Variants in JAKMIP3 observed in about 807,000 individuals in gnomAD.
The protein encoded by JAKMIP3 is janus kinase and microtubule-interacting protein 3.
JAKMIP3 carries 58 observed loss-of-function variants against 118.5 expected under a neutral mutation model. The ratio of observed to expected loss-of-function variants is 0.49; its 90% CI spans 0.40 to 0.61. JAKMIP3 has a LOEUF of 0.61. Ranked by LOEUF, JAKMIP3 falls within the 20% of genes least tolerant of loss-of-function variation. JAKMIP3 has a pLI of 0.00. For missense variants in JAKMIP3, 950 were observed against 1,109.0 expected, an observed-to-expected ratio of 0.86 and a Z score of 2.04; for synonymous variants, 486 against 451.2, an observed-to-expected ratio of 1.08 and a Z score of -0.98.
intron 3 of JAKMIP3, among the ~76,000 whole-genome samples, chr10:132,124,791 G>C (rs572493449): frequency 1.3e-5 from 2 of 152,226 alleles, no homozygotes; most frequent in African/African-American, 4.8e-5. Context: ...GTGGTAGGTC[G>C]GGCAGCTGCT....
chr10:132,089,136 T>C (rs2042794100), intron 1 of JAKMIP3, among the ~76,000 whole-genome samples: 1 of 152,210 alleles, frequency 6.6e-6, no homozygotes, highest in Non-Finnish European at 1.5e-5. Flanking sequence ...TGAAGTCAAG[T>C]AGTGTGATGC....
chr10:132,103,144 G>A (rs2045262897), intron 1 of JAKMIP3, among the ~76,000 whole-genome samples: 1 of 152,040 alleles, frequency 6.6e-6, no homozygotes, highest in Admixed American at 6.5e-5. Flanking sequence ...CAGGTGACAG[G>A]AGCAGAAGGT....
upstream of JAKMIP3, among the ~76,000 whole-genome samples, chr10:132,065,398 C>T (rs933708864): frequency 1.5e-4 from 23 of 151,662 alleles, no homozygotes; most frequent in African/African-American, 5.6e-4. The surrounding 1 kb of genome is among the most constrained non-coding windows in gnomAD (Gnocchi z 5.6). Flanking sequence ...TCCCTTCTAT[C>T]ACCTGACATT....
chr10:132,064,640 G>A (rs867705352), upstream of JAKMIP3, among the ~76,000 whole-genome samples: 8 of 152,298 alleles, frequency 5.3e-5, no homozygotes, highest in South Asian at 2.1e-4. This position sits in a 1 kb window ranked among gnomAD's most constrained non-coding sequence, Gnocchi z 4.4. Flanking sequence ...GACAGCGGGC[G>A]GCTCCGTCAC....
chr10:132,157,667 A>G (rs2057257602), intron 19 of JAKMIP3, among the ~76,000 whole-genome samples: 2 of 152,142 alleles, frequency 1.3e-5, no homozygotes, highest in Admixed American at 1.3e-4. Context: ...ACATGTTTCT[A>G]TGCAACTCCA....
chr10:132,036,470 C>A (rs921642316), upstream of JAKMIP3, among the ~76,000 whole-genome samples: 1 of 152,134 alleles, frequency 6.6e-6, no homozygotes. Flanking sequence ...CCGCGGCCCC[C>A]GGGCTATTTT....
chr10:132,136,080 AGGGGGTG>A lies in JAKMIP3; in HGVS notation c.1116+10_1116+16del. 6.3e-7 allele frequency: 1 copy of A among 1,593,922 alleles called. No homozygotes were observed. Among genetic ancestry groups the A allele is most frequent in the Non-Finnish European group, 8.6e-7 (1 of 1,163,366 alleles). ...CACCCAGGAGAACATAGAAATGGTGAGGGGGTGGGGGGCTCCACGGGGCCACGGTCGC... is the reference window on the plus strand; with the variant it reads ...CACCCAGGAGAACATAGAAATGGTGAGGGGGCTCCACGGGGCCACGGTCGC... On this transcript the variant is annotated splice_donor_5th_base_variant and intron_variant, in intron 6 of 23. Coordinates refer to ENST00000684848, the MANE Select transcript of JAKMIP3 (RefSeq NM_001323087.2).
intron 23 of JAKMIP3, among the ~76,000 whole-genome samples, chr10:132,174,026 TTAG>T (rs2059909265): frequency 1.3e-5 from 2 of 151,362 alleles, no homozygotes; most frequent in South Asian, 4.2e-4. Flanking sequence ...CTGTGATGTG[TTAG>T]TGGTGGTGTG....
intron 9 of JAKMIP3, among the ~76,000 whole-genome samples, chr10:132,139,470 ATG>A (rs750126542): frequency 5.9e-5 from 7 of 118,212 alleles, no homozygotes; most frequent in Non-Finnish European, 1.2e-4. Flanking sequence ...GCATGTGTGT[ATG>A]TGTGAGTGTG....
chr10:132,156,233 C>T (rs983096393), intron 19 of JAKMIP3, among the ~76,000 whole-genome samples: 9 of 152,164 alleles, frequency 5.9e-5, no homozygotes, highest in African/African-American at 1.4e-4. Context: ...CTCTGTCCCC[C>T]GAAGCTTCTT....
At chr10:132,077,235 C>G (rs547706883) in intron 1 of JAKMIP3, among the ~76,000 whole-genome samples, 13 of 152,284 alleles carry the variant, frequency 8.5e-5, no homozygotes, top group Non-Finnish European at 1.8e-4. Context: ...TCCCGGTGAC[C>G]TGGGGAGAGG....
At chr10:132,082,544 C>T (rs1007125720) in intron 1 of JAKMIP3, among the ~76,000 whole-genome samples, 2 of 152,150 alleles carry the variant, frequency 1.3e-5, no homozygotes, top group Admixed American at 6.5e-5. Context: ...CAGGTTGCTG[C>T]GAATGCCATT....
rs1406381421 is a variant in JAKMIP3, at chr10:132,168,252, T to C, written c.*322T>C. The C allele has an allele frequency of 3.4e-5, 44 of 1,289,156 alleles. No homozygotes were observed. The highest frequency in any genetic ancestry group is 6.9e-5 in the Admixed American group (3 of 43,522). The allele number at this position is 1,289,156 out of a possible 1,614,324, so 79.9% of individuals were successfully genotyped here. ...CCCCCATCCCATTTCCAGGGATGTG[T>C]AGCATTCCCTGCCAAGCAGGGGTGA... On this transcript the variant is annotated 3_prime_UTR_variant, in exon 23 of 24. Transcript: ENST00000684848.
chr10:132,109,482 G>A lies in JAKMIP3; in HGVS notation c.135+4539G>A, dbSNP rs570558784. Among the ~76,000 whole-genome samples, 6 of 152,222 alleles carry A rather than the reference G, an allele frequency of 3.9e-5. No homozygotes were observed. In the South Asian group the frequency reaches 6.2e-4, roughly 16 times the overall value. The stretch of plus-strand genomic sequence containing the variant: ...CGGCTGCCTGCCCTTGTTCCTGCGC[G>A]CCCGCAGAGAGGTGTGGGTCCCCCT... On this transcript the variant is annotated intron_variant, in intron 2 of 23. Coordinates refer to ENST00000684848, the MANE Select transcript of JAKMIP3 (RefSeq NM_001323087.2).
rs1491393938 is a variant in JAKMIP3 at position 132,180,769 on chromosome 10, G to GTGTGTA, written c.*1104-1588_*1104-1587insTGTGTA. On this transcript the variant is annotated intron_variant, in intron 23 of 23. Coordinates refer to ENST00000684848, the MANE Select transcript of JAKMIP3 (RefSeq NM_001323087.2). ...TGCGCGCGCGTGTGTGCGTGTGTGTGCGTGTGTGTGTGTGCGCGTATGCAT... is the reference window on the plus strand; with the variant it reads ...TGCGCGCGCGTGTGTGCGTGTGTGTGTGTGTACGTGTGTGTGTGTGCGCGTATGCAT... Among the ~76,000 whole-genome samples, 7 of 59,060 alleles carry GTGTGTA rather than the reference G, an allele frequency of 1.2e-4. 2 individuals carry two copies. The highest frequency in any genetic ancestry group is 6.7e-4 in the African/African-American group (7 of 10,486). The allele number at this position is 59,060 out of a possible 152,430, so 38.7% of individuals were successfully genotyped here.
chr10:132,092,630 G>A (rs1331674824), intron 1 of JAKMIP3, among the ~76,000 whole-genome samples: 2 of 152,002 alleles, frequency 1.3e-5, no homozygotes, highest in African/African-American at 2.4e-5. Flanking sequence ...GGTCATTTAA[G>A]GACTTCTCTA....
At chr10:132,048,427 T>G (rs1312769295) in intron 1 of JAKMIP3, among the ~76,000 whole-genome samples, 1 of 152,170 alleles carries the variant, frequency 6.6e-6, no homozygotes, top group African/African-American at 2.4e-5. Context: ...TTCTCCCCAT[T>G]TGTCTGTTTG....
chr10:132,180,676 C>CGTGTGTGT (rs1374821205), intron 23 of JAKMIP3, among the ~76,000 whole-genome samples: 1 of 4,578 alleles, frequency 2.2e-4, no homozygotes, highest in South Asian at 5.4e-3. Flanking sequence ...CGTGTGTGTG[C>CGTGTGTGT]GCGCGCGTGT....
Position 132,149,448 on chromosome 10 carries a change from C to T in JAKMIP3, c.1885C>T (p.His629Tyr). The T allele has an allele frequency of 2.5e-6, 4 of 1,606,904 alleles. No individual in the cohort carries two copies. The highest frequency in any genetic ancestry group is 1.3e-5 in the African/African-American group (1 of 74,672). ...ERKSPAISFH[H>Y]TPFVDGKSPL... ...GAAGTCACCCGCCATCAGCTTCCACCACACGCCCTTCGTGGACGGGAAGAG... is the reference window on the plus strand; with the variant it reads ...GAAGTCACCCGCCATCAGCTTCCACTACACGCCCTTCGTGGACGGGAAGAG... The change falls in exon 15 of 24, where the codon CAC becomes TAC. Residue 629 changes from histidine (H) to tyrosine (Y), a missense_variant. Physicochemically the swap from His to Tyr is moderately conservative, Grantham distance 83 (BLOSUM62 2). Transcript: ENST00000684848.
Sources: allele counts gnomAD v4.1 joint callset (sites outside exome capture counted in the v4.1 genomes callset), GRCh38; gene constraint gnomAD v4.1.1; non-coding constraint Gnocchi (gnomAD v3.1); transcripts MANE v1.5; gene names NCBI Gene and HGNC (gene_info 2026-07-23, HGNC 2026-07-21).